The following LRRC9 variants were observed in gnomAD, a reference collection of about 807,000 sequenced individuals.
The protein encoded by LRRC9 is leucine rich repeat containing 9.
In LRRC9, 122 loss-of-function variants were observed where a neutral mutation model predicts 63.2. The observed-to-expected ratio is 1.93, with a 90% CI of 1.67 to 2.24. The LOEUF (loss-of-function observed/expected upper bound fraction) is 2.24, where lower values mean the gene tolerates loss of function less well. LRRC9 is among the 30% of genes most tolerant of loss of function. The pLI, the probability that LRRC9 is intolerant of heterozygous loss-of-function variation, is 0.00. For synonymous variants in LRRC9, 366 were observed against 213.1 expected (o/e 1.72, Z -6.25); for missense variants, 1,071 against 627.7 (o/e 1.71, Z -7.55).
intron 16 of LRRC9, 65 bp downstream of exon 16, chr14:59,982,125 A>G: frequency 1.5e-6 from 1 of 651,016 alleles, no homozygotes; most frequent in Non-Finnish European, 2.7e-6. Flanking sequence ...AATCTAGCAT[A>G]TGAAGTCAAA....
chr14:59,929,425 T>A (rs1001973461), intron 3 of LRRC9, among the ~76,000 whole-genome samples: 2 of 143,878 alleles, frequency 1.4e-5, no homozygotes, highest in South Asian at 2.3e-4. Flanking sequence ...AAAAAAAAAA[T>A]AACAGATGCT....
Position 60,053,383 on chromosome 14 carries a change from TCA to T in LRRC9, c.4131+215_4131+216del, listed in dbSNP as rs140525122. ...GATTTGGTGAATAGAGCATGCGTGC[TCA>T]CACACACACACACACACACACACAC... On this transcript the variant is annotated intron_variant, in intron 30 of 31. Coordinates refer to ENST00000445360, the Ensembl canonical transcript of LRRC9. This position sits in a 1 kb window ranked among gnomAD's most constrained non-coding sequence, Gnocchi z 4.8. Among the ~76,000 whole-genome samples, 2,435 of 85,698 alleles carry T rather than the reference TCA, an allele frequency of 0.028. 47 individuals are homozygous for T. Among genetic ancestry groups the T allele is most frequent in the African/African-American group, 0.054 (1,744 of 32,050 alleles). The allele number at this position is 85,698 out of a possible 152,430, so 56.2% of individuals were successfully genotyped here.
At chr14:60,005,894 T>G (rs1269976491) in intron 21 of LRRC9, among the ~76,000 whole-genome samples, 1 of 152,090 alleles carries the variant, frequency 6.6e-6, no homozygotes, top group Non-Finnish European at 1.5e-5. Flanking sequence ...TTAGACTGGT[T>G]CCATTTTCCA....
Position 59,930,619 on chromosome 14 carries a change from A to G in LRRC9, c.268-299A>G, listed in dbSNP as rs535024061. On this transcript the variant is annotated intron_variant, in intron 3 of 31. Transcript: ENST00000445360. This position sits in a 1 kb window ranked among gnomAD's most constrained non-coding sequence, Gnocchi z 4.9. ...ATATGATCATAATCATTTCTATATG[A>G]TTATAATCATAACCATATAGAAATA... Among the ~76,000 whole-genome samples, 1 of 151,932 alleles carries G rather than the reference A, an allele frequency of 6.6e-6. No individual in the cohort carries two copies. The highest frequency in any genetic ancestry group is 2.4e-5 in the African/African-American group (1 of 41,524).
chr14:60,056,900 A>G (rs1315953687), intron 30 of LRRC9, among the ~76,000 whole-genome samples: 1 of 152,182 alleles, frequency 6.6e-6, no homozygotes, highest in Non-Finnish European at 1.5e-5. Flanking sequence ...GAGGAAATAA[A>G]TGAAATCTAA....
At chr14:59,974,669 G>A (rs1885920163) in exon 13 of LRRC9, 2 of 687,964 alleles carry the variant, frequency 2.9e-6, no homozygotes, top group Non-Finnish European at 5.3e-6. Flanking sequence ...GCACAAAGAT[G>A]AGAAGAAAAT....
chr14:59,993,185 C>A (rs1888353706), intron 17 of LRRC9, among the ~76,000 whole-genome samples: 1 of 152,146 alleles, frequency 6.6e-6, no homozygotes. Flanking sequence ...GAATTTTCAA[C>A]CCAGAATTTC....
chr14:60,016,274 T>C (rs1271131405), intron 23 of LRRC9, among the ~76,000 whole-genome samples: 5 of 152,140 alleles, frequency 3.3e-5, no homozygotes, highest in Non-Finnish European at 7.4e-5. Context: ...GGCATGATCA[T>C]AGCTCACTGC....
At chr14:60,024,186 G>A (rs1211000181) in intron 27 of LRRC9, among the ~76,000 whole-genome samples, 1 of 152,086 alleles carries the variant, frequency 6.6e-6, no homozygotes, top group East Asian at 1.9e-4. Context: ...GGGTCAAACG[G>A]TATTTCTGGT....
At position 60,017,316 on chromosome 14, in the gene LRRC9, C is replaced by T. The variant is rs1347851882; in HGVS notation, c.3317+526C>T. ...TTCTGAAATATTCTAGTTACTGAATCTCAATCATAAGATGTTCTTTCATAT... is the reference window on the plus strand; with the variant it reads ...TTCTGAAATATTCTAGTTACTGAATTTCAATCATAAGATGTTCTTTCATAT... On this transcript the variant is annotated intron_variant, in intron 24 of 31. Transcript: ENST00000445360. The surrounding 1 kb of genome is among the most constrained non-coding windows in gnomAD (Gnocchi z 4.0). Among the ~76,000 whole-genome samples, 1 of 152,096 alleles carries T rather than the reference C, an allele frequency of 6.6e-6. No individual in the cohort carries two copies. The highest frequency in any genetic ancestry group is 2.1e-4 in the South Asian group (1 of 4,822).
At chr14:59,980,519 C>T (rs1206647670) in intron 15 of LRRC9, among the ~76,000 whole-genome samples, 1 of 152,080 alleles carries the variant, frequency 6.6e-6, no homozygotes, top group Non-Finnish European at 1.5e-5. Context: ...GCTTGTCAAG[C>T]TCTATTTTAA....
intron 29 of LRRC9, among the ~76,000 whole-genome samples, chr14:60,033,676 A>G (rs957087392): frequency 6.6e-6 from 1 of 152,116 alleles, no homozygotes; most frequent in African/African-American, 2.4e-5. Context: ...TATGTAGCAT[A>G]TCTGTATCCA....
At chr14:59,983,584 A>G (rs982678818) in intron 16 of LRRC9, among the ~76,000 whole-genome samples, 14 of 152,196 alleles carry the variant, frequency 9.2e-5, no homozygotes, top group Non-Finnish European at 2.9e-5. Context: ...GAGAGAAAAT[A>G]TTCTTACTGT....
At chr14:60,024,836 C>G (rs976583091) in intron 27 of LRRC9, among the ~76,000 whole-genome samples, 4 of 151,746 alleles carry the variant, frequency 2.6e-5, no homozygotes, top group African/African-American at 9.7e-5. Context: ...CATTCTCCCC[C>G]TTTTTGCGGT....
At chr14:60,008,520 G>A (rs1566871845) in intron 23 of LRRC9, among the ~76,000 whole-genome samples, 1 of 151,830 alleles carries the variant, frequency 6.6e-6, no homozygotes, top group East Asian at 1.9e-4. Context: ...TATGCACTGG[G>A]GATTTAGCAT....
Position 60,058,659 on chromosome 14 carries a change from C to T in LRRC9, c.4276+637C>T, listed in dbSNP as rs932928003. On this transcript the variant is annotated intron_variant, in intron 31 of 31. Coordinates refer to ENST00000445360, the Ensembl canonical transcript of LRRC9. The surrounding 1 kb of genome is among the most constrained non-coding windows in gnomAD (Gnocchi z 4.4). ...TTTTCTGGTTATCATTTTGGCAAAA[C>T]TGGGGGTAAGTACTCCTTCTCTGAG... is the stretch of plus-strand genomic sequence containing the variant. Among the ~76,000 whole-genome samples, 1 of 152,114 alleles carries T rather than the reference C, an allele frequency of 6.6e-6. No homozygotes were observed. The highest frequency in any genetic ancestry group is 1.5e-5 in the Non-Finnish European group (1 of 68,006).
intron 29 of LRRC9, among the ~76,000 whole-genome samples, chr14:60,039,923 A>G (rs1220663152): frequency 6.7e-6 from 1 of 150,056 alleles, no homozygotes; most frequent in African/African-American, 2.5e-5. Context: ...TTCCTTCTAC[A>G]CACTGCTTTA....
At chr14:59,937,619 G>C (rs1046605466) in intron 6 of LRRC9, among the ~76,000 whole-genome samples, 2 of 152,078 alleles carry the variant, frequency 1.3e-5, no homozygotes, top group African/African-American at 4.8e-5. Flanking sequence ...AACTTCAATT[G>C]GTTCAATATG....
rs1887451405 is a variant in LRRC9 at position 59,986,176 on chromosome 14, T to C, written c.2211+952T>C. On this transcript the variant is annotated intron_variant, in intron 17 of 31. Transcript: ENST00000445360. The surrounding 1 kb of genome is among the most constrained non-coding windows in gnomAD (Gnocchi z 4.7). ...ATAGGACAATACAGGAATGCACATG[T>C]ACACATAGGCATGGATATTGTCTGG... 6.6e-6 allele frequency among the ~76,000 whole-genome samples: 1 copy of C among 152,212 alleles called. No individual in the cohort carries two copies. The highest frequency in any genetic ancestry group is 1.5e-5 in the Non-Finnish European group (1 of 68,026).
Sources: allele counts gnomAD v4.1 joint callset (sites outside exome capture counted in the v4.1 genomes callset), GRCh38; gene constraint gnomAD v4.1.1; non-coding constraint Gnocchi (gnomAD v3.1); transcripts MANE v1.5; gene names NCBI Gene and HGNC (gene_info 2026-07-23, HGNC 2026-07-21).